CREBBP: variants seen among roughly 807,000 people sequenced by gnomAD.
CREBBP encodes the protein CREB binding lysine acetyltransferase.
In CREBBP, 19 loss-of-function variants were observed where a neutral mutation model predicts 265.0. The ratio of observed to expected loss-of-function variants is 0.07; its 90% CI spans 0.05 to 0.11. The LOEUF (loss-of-function observed/expected upper bound fraction) is 0.11. Among genes scored for constraint, CREBBP ranks in the 10% least tolerant of loss-of-function variants. The probability of loss-of-function intolerance (pLI) is 1.00; values close to 1 mark genes in which losing one functional copy is unlikely to be tolerated. For missense variants in CREBBP, 2,525 were observed against 3,219.0 expected (o/e 0.78, Z 5.22); for synonymous variants, 1,457 against 1,223.7 (o/e 1.19, Z -3.98).
intron 1 of CREBBP, among the ~76,000 whole-genome samples, chr16:3,856,148 T>C (rs1327564390): frequency 6.6e-6 from 1 of 152,230 alleles, no homozygotes; most frequent in Non-Finnish European, 1.5e-5. Context: ...TTTTATGTTT[T>C]AGAGATAGGG....
chr16:3,811,753 C>T (rs2053941989), intron 2 of CREBBP, among the ~76,000 whole-genome samples: 1 of 152,178 alleles, frequency 6.6e-6, no homozygotes, highest in Admixed American at 6.5e-5. Flanking sequence ...CTTGGCCTCC[C>T]AAAGTGCTCG....
Position 3,727,668 on chromosome 16 carries a change from GT to G in CREBBP, c.*49del. 2 of 1,613,502 alleles carry G rather than the reference GT, an allele frequency of 1.2e-6. No individual in the cohort carries two copies. The highest frequency in any genetic ancestry group is 1.7e-6 in the Non-Finnish European group (2 of 1,180,012). ...AAGAACCTAGATGCCTGGATTTTCAGTACAAAAGGTCCAAGAACATGAAAGG... is the reference window on the plus strand; with the variant it reads ...AAGAACCTAGATGCCTGGATTTTCAGACAAAAGGTCCAAGAACATGAAAGG... On this transcript the variant is annotated 3_prime_UTR_variant, in exon 31 of 31. Transcript: ENST00000262367.
Position 3,726,440 on chromosome 16 carries a change from TCC to T in CREBBP, c.*1276_*1277del, listed in dbSNP as rs2051748650. On this transcript the variant is annotated 3_prime_UTR_variant, in exon 31 of 31. Transcript: ENST00000262367. ...CCCACCTCAGTCGCCCACCTCAGTC[TCC>T]GGGAAGAAAAGCCTCCGGGCGGCCG... 3.1e-5 allele frequency: 7 copies of T among 225,984 alleles called. No individual in the cohort carries two copies. The highest frequency in any genetic ancestry group is 4.3e-5 in the Non-Finnish European group (5 of 115,612). The allele number at this position is 225,984 out of a possible 1,614,324, so 14.0% of individuals were successfully genotyped here. A position where few individuals can be genotyped will look rare whatever the true frequency, so the allele number is the denominator to read the frequency against.
intron 16 of CREBBP, among the ~76,000 whole-genome samples, chr16:3,759,900 C>G (rs79755022): frequency 0.013 from 1,957 of 152,214 alleles, 24 homozygotes; most frequent in Middle Eastern, 0.041. Context: ...TACAAACCCT[C>G]AACAAGTATG....
At chr16:3,749,710 T>G (rs1233063262) in intron 20 of CREBBP, 27 bp from the exon 21 acceptor site, 1 of 1,473,462 alleles carries the variant, frequency 6.8e-7, no homozygotes, top group African/African-American at 1.4e-5. Context: ...AAAACATGTT[T>G]TATTAACTAA....
intron 4 of CREBBP, among the ~76,000 whole-genome samples, chr16:3,792,808 G>A (rs751445369): frequency 3.3e-5 from 5 of 152,224 alleles, no homozygotes; most frequent in African/African-American, 9.6e-5. Flanking sequence ...AGGTGTCTGC[G>A]GTAAAAGGGG....
rs368454820 is a variant in CREBBP at position 3,732,141 on chromosome 16, T to A, written c.4729-204A>T. 1.6e-3 allele frequency among the ~76,000 whole-genome samples: 241 copies of A among 152,258 alleles called. 5 individuals carry two copies. The highest frequency in any genetic ancestry group is 0.013 in the South Asian group (65 of 4,822). On this transcript the variant is annotated intron_variant, in intron 28 of 30. Coordinates refer to ENST00000262367, the MANE Select transcript of CREBBP (RefSeq NM_004380.3). ...GGGCCTGTCCTCGGCCAGGCTGGTG[T>A]CATTATCAGCTTTATGCCACGCTGC...
chr16:3,826,382 CT>C (rs1265673931), intron 2 of CREBBP, among the ~76,000 whole-genome samples: 5 of 152,110 alleles, frequency 3.3e-5, no homozygotes, highest in African/African-American at 1.2e-4. Context: ...TATAAACCCC[CT>C]ATCCTTAAAC....
intron 3 of CREBBP, among the ~76,000 whole-genome samples, chr16:3,809,961 G>A (rs889200911): frequency 6.6e-6 from 1 of 151,836 alleles, no homozygotes; most frequent in African/African-American, 2.4e-5. Flanking sequence ...AAGAGAGGCT[G>A]GACAAAAGAA....
chr16:3,761,684 C>A, intron 16 of CREBBP: 1 of 468,006 alleles, frequency 2.1e-6, no homozygotes. Flanking sequence ...CGCAGCACTC[C>A]CCACGCACAC....
At chr16:3,810,073 TGATAAG>T (rs1198069860) in intron 3 of CREBBP, among the ~76,000 whole-genome samples, 1 of 152,170 alleles carries the variant, frequency 6.6e-6, no homozygotes, top group African/African-American at 2.4e-5. Context: ...GGTTGAGAAG[TGATAAG>T]GATAATTCCC....
intron 26 of CREBBP, among the ~76,000 whole-genome samples, chr16:3,737,271 G>A (rs1241526084): frequency 3.1e-5 from 4 of 127,408 alleles, no homozygotes; most frequent in Non-Finnish European, 5.9e-5. Flanking sequence ...AATGGGGCAG[G>A]TCTAGAGTAC....
chr16:3,851,305 T>TAAAAAAAAAAAAAAAAAA (rs2054830531), intron 1 of CREBBP, among the ~76,000 whole-genome samples: 1 of 69,002 alleles, frequency 1.4e-5, no homozygotes, highest in Non-Finnish European at 2.9e-5. Context: ...AAAAAAAAAA[T>TAAAAAAAAAAAAAAAAAA]TAAAAAAAAA....
intron 3 of CREBBP, among the ~76,000 whole-genome samples, chr16:3,805,339 T>G (rs553499254): frequency 6.6e-6 from 1 of 152,334 alleles, no homozygotes; most frequent in South Asian, 2.1e-4. Context: ...ATAGACACTG[T>G]TATGGTAAAG....
chr16:3,844,709 A>G (rs1421138808), intron 2 of CREBBP, among the ~76,000 whole-genome samples: 4 of 152,196 alleles, frequency 2.6e-5, no homozygotes, highest in Non-Finnish European at 4.4e-5. Flanking sequence ...ACTCAAGAGA[A>G]TCTCCTGAAA....
chr16:3,837,135 T>C (rs1332852162), intron 2 of CREBBP, among the ~76,000 whole-genome samples: 1 of 152,196 alleles, frequency 6.6e-6, no homozygotes, highest in East Asian at 1.9e-4. Flanking sequence ...GGCAGCATTG[T>C]CATTATAGGA....
intron 2 of CREBBP, chr16:3,812,814 G>A (rs146900196): frequency 1.7e-3 from 311 of 182,494 alleles, no homozygotes; most frequent in African/African-American, 6.8e-3. Flanking sequence ...TGTCTATTGT[G>A]TGTTCTGTAT....
chr16:3,831,133 G>A (rs12923533), intron 2 of CREBBP, among the ~76,000 whole-genome samples: 69 of 152,212 alleles, frequency 4.5e-4, no homozygotes, highest in Admixed American at 8.5e-4. Context: ...TTGCTGGGCC[G>A]TAAGACAAGT....
chr16:3,801,678 AC>A (rs550548197), intron 3 of CREBBP, among the ~76,000 whole-genome samples: 25 of 152,280 alleles, frequency 1.6e-4, no homozygotes, highest in Non-Finnish European at 2.9e-4. Flanking sequence ...CTAAAAAAAA[AC>A]AGAAGAACGG....
Sources: allele counts gnomAD v4.1 joint callset (sites outside exome capture counted in the v4.1 genomes callset), GRCh38; gene constraint gnomAD v4.1.1; transcripts MANE v1.5; gene names NCBI Gene and HGNC (gene_info 2026-07-23, HGNC 2026-07-21).